RSRP1: variants seen among roughly 807,000 people sequenced by gnomAD.
RSRP1 encodes arginine and serine rich protein 1, also known as arginine/serine-rich protein 1.
In RSRP1, 37 loss-of-function variants were observed where a neutral mutation model predicts 33.0. That is an observed-to-expected ratio of 1.12 (90% confidence interval 0.86 to 1.48). The LOEUF (loss-of-function observed/expected upper bound fraction) is 1.48. RSRP1 is among the 40% of genes most tolerant of loss of function. The pLI is 0.00. For synonymous variants in RSRP1, 167 were observed against 158.7 expected (o/e 1.05, Z -0.40); for missense variants, 402 against 385.3 (o/e 1.04, Z -0.36).
chr1:25,243,422 A>G (rs763275245), intron 4 of RSRP1, 128 bp downstream of exon 4: 20 of 1,210,468 alleles, frequency 1.7e-5, no homozygotes, highest in African/African-American at 3.1e-5. Flanking sequence ...TCAAAAACAA[A>G]TGATTTTAAT....
chr1:25,311,989 A>C (rs1644175716), intron 1 of RSRP1, among the ~76,000 whole-genome samples: 1 of 124,198 alleles, frequency 8.1e-6, no homozygotes, highest in Non-Finnish European at 1.9e-5. Context: ...AGACCCCAGA[A>C]TGGTAGAGCT....
At chr1:25,338,193 G>T (rs1214304345), upstream of RSRP1, 1 of 152,132 alleles carries the variant, frequency 6.6e-6, no homozygotes, top group Non-Finnish European at 1.5e-5. Flanking sequence ...GTCCAGCTGT[G>T]AACCCAGAGC....
Position 25,280,026 on chromosome 1 carries a change from G to A in RSRP1, c.-66-32997C>T, listed in dbSNP as rs1238819346. Among the ~76,000 whole-genome samples, 15 of 129,944 alleles carry A rather than the reference G, an allele frequency of 1.2e-4. 4 individuals are homozygous for A. The highest frequency in any genetic ancestry group is 1.8e-4 in the Non-Finnish European group (10 of 55,422). The allele number at this position is 129,944 out of a possible 152,430, so 85.2% of individuals were successfully genotyped here. ...ATGGATGGGTGGAAATGGGCCTGGA[G>A]CCCAGGAGAAGTGGGAGGATGAGGG... On this transcript the variant is annotated intron_variant, in intron 1 of 1. Transcript: ENST00000561867.
At chr1:25,249,483 C>T (rs963935149), upstream of RSRP1, among the ~76,000 whole-genome samples, 8 of 152,108 alleles carry the variant, frequency 5.3e-5, no homozygotes, top group African/African-American at 1.9e-4. Flanking sequence ...GGTTTACAGA[C>T]GTGCACCATC....
chr1:25,269,015 G>C (rs1409936231), intron 1 of RSRP1, among the ~76,000 whole-genome samples: 1 of 130,374 alleles, frequency 7.7e-6, no homozygotes, highest in African/African-American at 2.6e-5. Context: ...GGAGGATCCA[G>C]GGAGGTGAGG....
intron 1 of RSRP1, chr1:25,253,096 A>G (rs1639840689): frequency 1.4e-5 from 2 of 140,270 alleles, no homozygotes; most frequent in African/African-American, 2.7e-5. Flanking sequence ...CTCCACAAGA[A>G]GGGGTTTCAC....
rs1284730354 is a variant in RSRP1, at chr1:25,275,069, C to G, written c.-66-28040G>C. On this transcript the variant is annotated intron_variant, in intron 1 of 1. Coordinates refer to the RSRP1 transcript ENST00000561867. ...CTTTGGGAGACCAAGGCAGGCAGATCACCTGAGGTCAGGAGTTCGAGACCA... is the reference window on the plus strand; with the variant it reads ...CTTTGGGAGACCAAGGCAGGCAGATGACCTGAGGTCAGGAGTTCGAGACCA... Among the ~76,000 whole-genome samples, 2 of 132,348 alleles carry G rather than the reference C, an allele frequency of 1.5e-5. 1 individual carries two copies. Among genetic ancestry groups the G allele is most frequent in the African/African-American group, 5.2e-5 (2 of 38,798 alleles). The allele number at this position is 132,348 out of a possible 152,430, so 86.8% of individuals were successfully genotyped here.
intron 1 of RSRP1, among the ~76,000 whole-genome samples, chr1:25,255,473 T>C (rs1639917764): frequency 6.6e-6 from 1 of 152,158 alleles, no homozygotes; most frequent in Non-Finnish European, 1.5e-5. Flanking sequence ...AATGAAGCCA[T>C]TATTTTTACA....
intron 1 of RSRP1, among the ~76,000 whole-genome samples, chr1:25,276,532 T>TAAAAAAAAAAAAAAAAAAAG (rs1640998575): frequency 1.5e-5 from 1 of 64,786 alleles, no homozygotes; most frequent in African/African-American, 7.2e-5. Context: ...CCCCCATCTC[T>TAAAAAAAAAAAAAAAAAAAG]AAAAAAAAAA....
intron 1 of RSRP1, among the ~76,000 whole-genome samples, chr1:25,281,737 T>C (rs1379796790): frequency 1.5e-5 from 2 of 131,092 alleles, no homozygotes. Context: ...TGCAAAGAGT[T>C]GAATCCTTCC....
intron 1 of RSRP1, chr1:25,330,109 T>TTCTGA (rs1390565939): frequency 7.5e-6 from 1 of 132,814 alleles, no homozygotes; most frequent in African/African-American, 2.6e-5. Flanking sequence ...TTAAATGCTC[T>TTCTGA]TCTGAAGGCT....
intron 1 of RSRP1, chr1:25,306,579 A>G (rs1486281573): frequency 1.5e-6 from 2 of 1,376,854 alleles, no homozygotes; most frequent in Admixed American, 1.8e-5. Flanking sequence ...TCTGCTTATA[A>G]TAACACTTGT....
At chr1:25,318,069 T>C (rs1204060132) in intron 1 of RSRP1, 1 of 130,898 alleles carries the variant, frequency 7.6e-6, no homozygotes, top group African/African-American at 2.6e-5. Flanking sequence ...ATACCTGTAA[T>C]TGCAGCAGTT....
intron 1 of RSRP1, among the ~76,000 whole-genome samples, chr1:25,256,736 A>C (rs1639960616): frequency 6.6e-6 from 1 of 152,148 alleles, no homozygotes; most frequent in Non-Finnish European, 1.5e-5. Context: ...GAATGCTGAG[A>C]TTACAGGCGT....
At chr1:25,256,745 G>GT (rs1318173051) in intron 1 of RSRP1, among the ~76,000 whole-genome samples, 1 of 152,102 alleles carries the variant, frequency 6.6e-6, no homozygotes, top group East Asian at 1.9e-4. Flanking sequence ...GATTACAGGC[G>GT]TGAGTCACCG....
At chr1:25,243,938 C>T (rs1639122555) in intron 3 of RSRP1, 6 of 1,163,452 alleles carry the variant, frequency 5.2e-6, no homozygotes, top group East Asian at 5.9e-5. Context: ...TCAGAAAATA[C>T]GTTTTAAGAA....
chr1:25,333,596 G>A (rs1645043797), intron 1 of RSRP1, among the ~76,000 whole-genome samples: 1 of 131,324 alleles, frequency 7.6e-6, no homozygotes, highest in African/African-American at 2.6e-5. Flanking sequence ...AGGAGCTAGA[G>A]CATGAGGATC....
At chr1:25,309,779 T>C (rs1271103435) in intron 1 of RSRP1, among the ~76,000 whole-genome samples, 2 of 131,786 alleles carry the variant, frequency 1.5e-5, no homozygotes, top group African/African-American at 5.2e-5. Flanking sequence ...GGGACACTAA[T>C]AGCTCACTCA....
At chr1:25,320,515 A>G (rs1221674639) in intron 1 of RSRP1, among the ~76,000 whole-genome samples, 3 of 132,214 alleles carry the variant, frequency 2.3e-5, no homozygotes, top group Admixed American at 7.4e-5. Flanking sequence ...CTGCATGCCA[A>G]TATCAGCTAA....
Sources: gnomAD v4.1 joint callset for allele counts (sites outside exome capture counted in the v4.1 genomes callset) on GRCh38, gnomAD v4.1.1 for gene constraint, MANE v1.5 for transcripts, NCBI Gene and HGNC (gene_info 2026-07-23, HGNC 2026-07-21) for gene names.